Variants in KIF13B observed in about 807,000 individuals in gnomAD.
KIF13B encodes kinesin family member 13B.
A neutral mutation model predicts 222.0 loss-of-function variants in KIF13B; 127 were observed. That is an observed-to-expected ratio of 0.57 (90% CI 0.50 to 0.66). The LOEUF (loss-of-function observed/expected upper bound fraction) is 0.66, where lower values mean the gene tolerates loss of function less well. Among genes scored for constraint, KIF13B ranks in the 30% least tolerant of loss-of-function variants. KIF13B has a pLI of 0.00. For synonymous variants in KIF13B, 976 were observed against 919.0 expected, an observed-to-expected ratio of 1.06 and a Z score of -1.12; for missense variants, 2,173 against 2,379.0, an observed-to-expected ratio of 0.91 and a Z score of 1.80.
At chr8:29,136,587 A>T (rs1275430422) in intron 21 of KIF13B, among the ~76,000 whole-genome samples, 1 of 5,680 alleles carries the variant, frequency 1.8e-4, no homozygotes, top group African/African-American at 5.7e-4. Context: ...CCGCTCAAAA[A>T]TTAATTAATT....
intron 10 of KIF13B, among the ~76,000 whole-genome samples, chr8:29,168,859 G>A (rs1007058151): frequency 2.0e-5 from 3 of 152,210 alleles, no homozygotes; most frequent in African/African-American, 7.2e-5. Context: ...CTTGTTTGCA[G>A]CTGTTCCTCT....
At chr8:29,155,308 C>T (rs927895434) in intron 14 of KIF13B, among the ~76,000 whole-genome samples, 3 of 152,136 alleles carry the variant, frequency 2.0e-5, no homozygotes, top group African/African-American at 7.3e-5. Context: ...CAAACAGTGA[C>T]TCCCCACAGG....
intron 1 of KIF13B, among the ~76,000 whole-genome samples, chr8:29,251,148 C>G (rs1049044239): frequency 1.3e-5 from 2 of 151,556 alleles, no homozygotes; most frequent in Middle Eastern, 6.8e-3. Context: ...GAGACCCTGT[C>G]TGGAAGAAAA....
chr8:29,114,496 GT>G (rs1809504662), intron 31 of KIF13B, among the ~76,000 whole-genome samples: 1 of 152,116 alleles, frequency 6.6e-6, no homozygotes, highest in Non-Finnish European at 1.5e-5. Context: ...AGAGATCACT[GT>G]CCTTAGGGGT....
intron 2 of KIF13B, among the ~76,000 whole-genome samples, chr8:29,220,686 T>C (rs1225632569): frequency 2.6e-5 from 4 of 151,784 alleles, no homozygotes; most frequent in Admixed American, 6.6e-5. Flanking sequence ...CATACAAACA[T>C]ACACACCAAT....
chr8:29,169,250 C>T (rs982367076), intron 10 of KIF13B, among the ~76,000 whole-genome samples: 11 of 152,188 alleles, frequency 7.2e-5, no homozygotes, highest in African/African-American at 1.2e-4. Context: ...CTGGTTTTAT[C>T]GGTGAGAAAA....
At chr8:29,113,233 G>A (rs902964730) in intron 32 of KIF13B, among the ~76,000 whole-genome samples, 3 of 152,322 alleles carry the variant, frequency 2.0e-5, no homozygotes, top group Non-Finnish European at 4.4e-5. Flanking sequence ...GTAAGAAGGT[G>A]TTGATTTGCT....
chr8:29,167,158 T>C (rs1449622658), intron 11 of KIF13B, among the ~76,000 whole-genome samples: 1 of 152,204 alleles, frequency 6.6e-6, no homozygotes, highest in Non-Finnish European at 1.5e-5. Flanking sequence ...TTCTATTTGC[T>C]CCTGTTCAAT....
chr8:29,072,270 GC>G lies in KIF13B; in HGVS notation c.4567del (p.Ala1523ProfsTer4), dbSNP rs1433031821. ...TTTGTCGCAGATCTTCAAGGCCGGG[GC>G]CCCCATCGTCTGCACCAGCACGTCA... ...GPDVLVQTMG[A>X]PALKICDKPA... On this transcript the variant is annotated frameshift_variant, in exon 39 of 40. Coordinates refer to ENST00000524189, the MANE Select transcript of KIF13B (RefSeq NM_015254.4). LOFTEE classifies it high-confidence loss of function. 2.0e-6 allele frequency: 3 copies of G among 1,471,458 alleles called. No individual in the cohort carries two copies. Among genetic ancestry groups the G allele is most frequent in the Admixed American group, 5.0e-5 (2 of 39,990 alleles). The allele number at this position is 1,471,458 out of a possible 1,614,324, so 91.2% of individuals were successfully genotyped here. A position where few individuals can be genotyped will look rare whatever the true frequency, so the allele number is the denominator to read the frequency against.
intron 3 of KIF13B, among the ~76,000 whole-genome samples, chr8:29,191,424 A>T (rs1813182411): frequency 6.6e-6 from 1 of 152,162 alleles, no homozygotes; most frequent in South Asian, 2.1e-4. Flanking sequence ...GATATTTTTT[A>T]AATAACATTT....
chr8:29,158,601 A>C (rs769371), intron 13 of KIF13B, among the ~76,000 whole-genome samples: 3 of 152,338 alleles, frequency 2.0e-5, no homozygotes, highest in South Asian at 4.1e-4. Flanking sequence ...CAGCATCTAA[A>C]TTGACTTTTG....
At position 29,142,216 on chromosome 8, in the gene KIF13B, T is replaced by C. The variant is rs372624834; in HGVS notation, c.2275A>G (p.Arg759Gly). 6.2e-7 allele frequency: 1 copy of C among 1,613,638 alleles called. No homozygotes were observed. Among genetic ancestry groups the C allele is most frequent in the Non-Finnish European group, 8.5e-7 (1 of 1,179,554 alleles). ...TAAAGGTCTCTCATATCCAACAGCC[T>C]GTTGTCCAGTTTTTCCAAAGACCAA... ...QIWSLEKLDN[R>G]LLDMRDLYQE... The change falls in exon 19 of 40, where the codon AGG becomes GGG. Residue 759 changes from arginine (R) to glycine (G), a missense_variant. Arg to Gly is a moderately radical substitution (Grantham distance 125). Around this residue, in one of 2 missense-constraint regions of KIF13B, gnomAD observed 1,480 missense variants for 1,722.8 expected, o/e 0.86. Transcript: ENST00000524189.
At chr8:29,117,208 G>A (rs970440864) in intron 30 of KIF13B, among the ~76,000 whole-genome samples, 1 of 152,190 alleles carries the variant, frequency 6.6e-6, no homozygotes, top group Admixed American at 6.5e-5. Context: ...AGAGCATGAT[G>A]ATCCTGGCTG....
chr8:29,139,115 G>C (rs1353018323), intron 21 of KIF13B, among the ~76,000 whole-genome samples: 1 of 152,060 alleles, frequency 6.6e-6, no homozygotes. Flanking sequence ...GTGGAGCGAA[G>C]GTGAATGGGG....
chr8:29,135,023 A>G (rs6558096), intron 21 of KIF13B, among the ~76,000 whole-genome samples: 29,042 of 152,024 alleles, frequency 0.19, 2,993 homozygotes, highest in Admixed American at 0.29. Context: ...AATATTCTTA[A>G]TATTTCTTTT....
chr8:29,159,176 A>T (rs1291105476), intron 13 of KIF13B, among the ~76,000 whole-genome samples: 1 of 152,054 alleles, frequency 6.6e-6, no homozygotes, highest in African/African-American at 2.4e-5. Context: ...TTTGAAACAG[A>T]GTCTTGCTCT....
At chr8:29,233,248 T>C (rs966612646) in intron 2 of KIF13B, among the ~76,000 whole-genome samples, 3 of 152,148 alleles carry the variant, frequency 2.0e-5, no homozygotes, top group East Asian at 1.9e-4. Context: ...ACCCTATCAA[T>C]AGCAAGAGAA....
intron 38 of KIF13B, among the ~76,000 whole-genome samples, chr8:29,074,812 A>G (rs1185985190): frequency 1.3e-5 from 2 of 152,274 alleles, no homozygotes; most frequent in African/African-American, 2.4e-5. Flanking sequence ...ATTTCCTAAG[A>G]GAATGAAAGC....
intron 21 of KIF13B, among the ~76,000 whole-genome samples, chr8:29,139,099 G>T (rs545313694): frequency 1.3e-5 from 2 of 152,258 alleles, no homozygotes; most frequent in Admixed American, 1.3e-4. Context: ...ACCACAGGTG[G>T]TAATTGTGGA....
Sources: allele counts gnomAD v4.1 joint callset (sites outside exome capture counted in the v4.1 genomes callset), GRCh38; gene constraint gnomAD v4.1.1; regional missense constraint gnomAD v4.1.1; transcripts MANE v1.5; gene names NCBI Gene and HGNC (gene_info 2026-07-23, HGNC 2026-07-21).